Variants in RABGAP1L observed in about 807,000 individuals in gnomAD.
RABGAP1L encodes rab GTPase-activating protein 1-like.
A neutral mutation model predicts 137.7 loss-of-function variants in RABGAP1L; 63 were observed. The ratio of observed to expected loss-of-function variants is 0.46; its 90% CI spans 0.37 to 0.56. The LOEUF is 0.56. Ranked by LOEUF, RABGAP1L falls within the 20% of genes least tolerant of loss-of-function variation. RABGAP1L has a pLI of 0.00. For missense variants in RABGAP1L, 1,095 were observed against 1,244.0 expected (o/e 0.88, Z 1.80); for synonymous variants, 431 against 433.7 (o/e 0.99, Z 0.08).
At chr1:174,784,642 G>C (rs1463771272) in intron 18 of RABGAP1L, among the ~76,000 whole-genome samples, 1 of 152,202 alleles carries the variant, frequency 6.6e-6, no homozygotes, top group Non-Finnish European at 1.5e-5. Context: ...GGCCTGAGGG[G>C]CATGTCAGGA....
chr1:174,326,315 A>G (rs1680438648), intron 11 of RABGAP1L, among the ~76,000 whole-genome samples: 2 of 152,202 alleles, frequency 1.3e-5, no homozygotes, highest in Non-Finnish European at 2.9e-5. Flanking sequence ...AGAAAACAGA[A>G]ACAATTCAGA....
intron 24 of RABGAP1L, 93 bp from the exon 25 acceptor site, chr1:174,988,543 TGACAA>T (rs1200061530): frequency 8.1e-5 from 88 of 1,088,294 alleles, no homozygotes; most frequent in Non-Finnish European, 1.0e-4. Context: ...CCTGCATCTA[TGACAA>T]TAAGCAGCAT....
At chr1:174,718,837 C>CTT (rs11337437) in intron 17 of RABGAP1L, among the ~76,000 whole-genome samples, 21 of 106,396 alleles carry the variant, frequency 2.0e-4, no homozygotes, top group African/African-American at 4.9e-4. Context: ...TTTTCTTTTC[C>CTT]TTTTTTTTTT....
At chr1:174,708,849 T>C (rs1680259851) in intron 17 of RABGAP1L, among the ~76,000 whole-genome samples, 1 of 152,228 alleles carries the variant, frequency 6.6e-6, no homozygotes, top group South Asian at 2.1e-4. Context: ...GAAAGGGGGC[T>C]GAAGCCAGGG....
chr1:174,761,497 C>T lies in RABGAP1L; in HGVS notation c.2211+9143C>T, dbSNP rs1413607209. Among the ~76,000 whole-genome samples, 1 of 151,672 alleles carries T rather than the reference C, an allele frequency of 6.6e-6. No individual in the cohort carries two copies. The highest frequency in any genetic ancestry group is 6.6e-5 in the Admixed American group (1 of 15,228). On this transcript the variant is annotated intron_variant, in intron 18 of 25. Coordinates refer to ENST00000681986, the MANE Select transcript of RABGAP1L (RefSeq NM_001366446.1). This position sits in a 1 kb window ranked among gnomAD's most constrained non-coding sequence, Gnocchi z 4.0. ...CTCACTTCCCAGACAATGCAGGGGCCGGGGAGAGGCGCTGCTCACTTCCCA... is the reference window on the plus strand; with the variant it reads ...CTCACTTCCCAGACAATGCAGGGGCTGGGGAGAGGCGCTGCTCACTTCCCA...
At chr1:174,589,423 T>C (rs970511912) in intron 13 of RABGAP1L, among the ~76,000 whole-genome samples, 3 of 152,298 alleles carry the variant, frequency 2.0e-5, no homozygotes, top group Middle Eastern at 3.4e-3. Flanking sequence ...CGTTGATCAT[T>C]TCCTTTGCTG....
chr1:174,694,333 A>T (rs1346343530), intron 15 of RABGAP1L, among the ~76,000 whole-genome samples: 4 of 151,018 alleles, frequency 2.6e-5, no homozygotes, highest in Non-Finnish European at 5.9e-5. Flanking sequence ...ATATCTCCCA[A>T]TGCTAACCCT....
rs189536993 is a variant in RABGAP1L, at chr1:174,585,501, G to T, written c.1711-51874G>T. Among the ~76,000 whole-genome samples, 4 of 152,322 alleles carry T rather than the reference G, an allele frequency of 2.6e-5. No individual in the cohort carries two copies. In the East Asian group the frequency reaches 7.7e-4, roughly 29 times the overall value. Reference sequence around the variant, plus strand: ...TGGGGTGGGACACCAGACTGGTAGGGCCCAGATCCAGTAGATTTGCTGAGG... The same window carrying T: ...TGGGGTGGGACACCAGACTGGTAGGTCCCAGATCCAGTAGATTTGCTGAGG... On this transcript the variant is annotated intron_variant, in intron 13 of 25. Coordinates refer to ENST00000681986, the MANE Select transcript of RABGAP1L (RefSeq NM_001366446.1).
chr1:174,659,055 G>A (rs769932087), intron 14 of RABGAP1L, among the ~76,000 whole-genome samples: 1 of 152,068 alleles, frequency 6.6e-6, no homozygotes, highest in Admixed American at 6.5e-5. Flanking sequence ...CATTCCTGAC[G>A]ATAAATCAAA....
At chr1:174,549,504 G>T (rs996031282) in intron 13 of RABGAP1L, among the ~76,000 whole-genome samples, 2 of 152,118 alleles carry the variant, frequency 1.3e-5, no homozygotes, top group Non-Finnish European at 2.9e-5. Context: ...AAAAGCCACT[G>T]CAAGTCTCTA....
At chr1:174,524,276 A>G (rs1263839992) in intron 13 of RABGAP1L, among the ~76,000 whole-genome samples, 5 of 152,056 alleles carry the variant, frequency 3.3e-5, no homozygotes, top group Middle Eastern at 3.4e-3. Context: ...CCAACAGCGT[A>G]TAAGAGTTTC....
chr1:174,487,089 G>A (rs1329569243), intron 13 of RABGAP1L, among the ~76,000 whole-genome samples: 1 of 152,082 alleles, frequency 6.6e-6, no homozygotes, highest in Non-Finnish European at 1.5e-5. Context: ...AAAAGAAGGT[G>A]TATTCTTCAA....
At chr1:174,475,174 G>A (rs1210139592) in intron 13 of RABGAP1L, among the ~76,000 whole-genome samples, 1 of 151,916 alleles carries the variant, frequency 6.6e-6, no homozygotes, top group Admixed American at 6.6e-5. Flanking sequence ...TTGCACTTTC[G>A]GGTTTAGTAG....
chr1:174,433,569 A>G (rs12722765), intron 13 of RABGAP1L, among the ~76,000 whole-genome samples: 3,118 of 152,304 alleles, frequency 0.02, 45 homozygotes, highest in Middle Eastern at 0.048. Flanking sequence ...AAAGTGTTGT[A>G]TAACTGGCAT....
At chr1:174,816,118 TTTGTTTTTC>T (rs1417526223) in intron 19 of RABGAP1L, among the ~76,000 whole-genome samples, 1 of 151,992 alleles carries the variant, frequency 6.6e-6, no homozygotes, top group Non-Finnish European at 1.5e-5. Context: ...ATATGAGCAT[TTTGTTTTTC>T]TTAGTAACAT....
At chr1:174,953,846 G>A (rs983667669) in intron 19 of RABGAP1L, among the ~76,000 whole-genome samples, 1 of 152,204 alleles carries the variant, frequency 6.6e-6, no homozygotes, top group Non-Finnish European at 1.5e-5. Flanking sequence ...AGCCCCAGGG[G>A]AGAATAGCTG....
chr1:174,449,966 A>G (rs939254874), intron 13 of RABGAP1L, among the ~76,000 whole-genome samples: 1 of 152,140 alleles, frequency 6.6e-6, no homozygotes, highest in East Asian at 1.9e-4. Context: ...GAAAGAATCT[A>G]CTGTATAGAG....
At chr1:174,621,774 A>G (rs944198874) in intron 13 of RABGAP1L, among the ~76,000 whole-genome samples, 17 of 152,208 alleles carry the variant, frequency 1.1e-4, no homozygotes, top group African/African-American at 3.4e-4. Context: ...AGGCAATACC[A>G]TTGAGGACAT....
intron 13 of RABGAP1L, among the ~76,000 whole-genome samples, chr1:174,475,364 A>G (rs1299888563): frequency 6.6e-6 from 1 of 152,048 alleles, no homozygotes; most frequent in African/African-American, 2.4e-5. Flanking sequence ...CAGTTATTTT[A>G]TATCTTCTCA....
Sources: gnomAD v4.1 joint callset for allele counts (sites outside exome capture counted in the v4.1 genomes callset) on GRCh38, gnomAD v4.1.1 for gene constraint, Gnocchi (gnomAD v3.1) non-coding constraint, MANE v1.5 for transcripts, NCBI Gene and HGNC (gene_info 2026-07-23, HGNC 2026-07-21) for gene names.